Variants in SLC39A12 observed in about 807,000 individuals in gnomAD.
SLC39A12 encodes zinc transporter ZIP12.
Under a neutral mutation model 71.1 loss-of-function variants are expected in SLC39A12, and 63 were observed. That is an observed-to-expected ratio of 0.89 (90% CI 0.72 to 1.09). The LOEUF (loss-of-function observed/expected upper bound fraction) is 1.09, where lower values mean the gene tolerates loss of function less well. Ranked by LOEUF, SLC39A12 falls within the 50% of genes least tolerant of loss-of-function variation. SLC39A12 has a pLI of 0.00. For synonymous variants in SLC39A12, 351 were observed against 301.3 expected, an observed-to-expected ratio of 1.16 and a Z score of -1.71; for missense variants, 892 against 812.6, an observed-to-expected ratio of 1.10 and a Z score of -1.19.
At chr10:18,036,669 C>G (rs1355894563) in intron 12 of SLC39A12, among the ~76,000 whole-genome samples, 1 of 150,374 alleles carries the variant, frequency 6.7e-6, no homozygotes, top group Non-Finnish European at 1.5e-5. Flanking sequence ...ATCTTGGCTC[C>G]TCCCCCGTGA....
At chr10:17,954,142 A>T (rs1834479533) in intron 2 of SLC39A12, among the ~76,000 whole-genome samples, 1 of 152,164 alleles carries the variant, frequency 6.6e-6, no homozygotes, top group Non-Finnish European at 1.5e-5. Context: ...CCCTGATTGG[A>T]ATCAGCTGCA....
At chr10:17,979,943 C>A (rs142915177) in intron 5 of SLC39A12, among the ~76,000 whole-genome samples, 1 of 151,712 alleles carries the variant, frequency 6.6e-6, no homozygotes, top group Non-Finnish European at 1.5e-5. Context: ...TGTGAGTTTA[C>A]GAGAGAAGGC....
intron 4 of SLC39A12, among the ~76,000 whole-genome samples, chr10:17,976,647 A>G (rs779559671): frequency 9.9e-5 from 15 of 151,802 alleles, no homozygotes; most frequent in Non-Finnish European, 5.9e-5. Flanking sequence ...CTGGTCTTGA[A>G]CTCCTGACCT....
At chr10:18,035,866 A>C (rs566912761) in intron 12 of SLC39A12, among the ~76,000 whole-genome samples, 58 of 152,282 alleles carry the variant, frequency 3.8e-4, no homozygotes, top group Non-Finnish European at 6.2e-4. Flanking sequence ...TCCGTCTAAC[A>C]GACAGGACCC....
chr10:17,984,185 A>G (rs1835344782), intron 6 of SLC39A12, among the ~76,000 whole-genome samples: 1 of 152,244 alleles, frequency 6.6e-6, no homozygotes, highest in South Asian at 2.1e-4. Flanking sequence ...AGGGACCTGC[A>G]GTAAATTAGC....
intron 12 of SLC39A12, among the ~76,000 whole-genome samples, chr10:18,012,728 G>T (rs151288949): frequency 3.6e-4 from 54 of 152,100 alleles, no homozygotes; most frequent in African/African-American, 1.2e-3. Context: ...TTAGCCCGGC[G>T]TGGTGGCGCA....
intron 12 of SLC39A12, among the ~76,000 whole-genome samples, chr10:18,042,463 GAAAAAAAA>G (rs551298382): frequency 3.5e-5 from 4 of 115,058 alleles, no homozygotes; most frequent in African/African-American, 9.8e-5. Context: ...TGCCTCAAAA[GAAAAAAAA>G]AAAAAAAAAA....
chr10:17,979,388 C>A (rs1051017441), intron 5 of SLC39A12, among the ~76,000 whole-genome samples: 2 of 152,198 alleles, frequency 1.3e-5, no homozygotes, highest in African/African-American at 4.8e-5. Context: ...TATTCGACTT[C>A]TTGACAACAA....
At chr10:18,003,750 T>C (rs1343606894) in intron 12 of SLC39A12, among the ~76,000 whole-genome samples, 1 of 152,222 alleles carries the variant, frequency 6.6e-6, no homozygotes, top group Admixed American at 6.5e-5. Flanking sequence ...GTTCTGTCAA[T>C]CAGCCAGCTA....
intron 4 of SLC39A12, among the ~76,000 whole-genome samples, chr10:17,967,833 G>T (rs1355224899): frequency 6.7e-6 from 1 of 149,962 alleles, no homozygotes; most frequent in African/African-American, 2.4e-5. Flanking sequence ...CTGGCAGTGA[G>T]CTGAGTTCCC....
Position 17,953,380 on chromosome 10 carries a change from G to C in SLC39A12, c.104G>C (p.Arg35Thr), listed in dbSNP as rs143283545. The C allele has an allele frequency of 3.2e-4, 513 of 1,614,040 alleles. 4 individuals are homozygous for C. Among genetic ancestry groups the C allele is most frequent in the Non-Finnish European group, 6.4e-5 (76 of 1,180,036 alleles). Residue 35 changes from arginine (R) to threonine (T), a missense_variant, in exon 2 of 13, where the codon AGA becomes ACA. Physicochemically the swap from Arg to Thr is moderately conservative, Grantham distance 71. Coordinates refer to ENST00000377369, the MANE Select transcript of SLC39A12 (RefSeq NM_001145195.2). The part of the protein sequence containing the change: ...ETDKPSAQDS[R>T]SRGSSGQPAD... The stretch of plus-strand genomic sequence containing the variant: ...GACAAACCCTCAGCCCAGGATAGCA[G>C]AAGCCGTGGGAGTTCAGGCCAACCG...
chr10:17,955,595 C>T (rs1834520014), intron 2 of SLC39A12, among the ~76,000 whole-genome samples: 1 of 152,022 alleles, frequency 6.6e-6, no homozygotes, highest in Non-Finnish European at 1.5e-5. Context: ...CAAATTCTAT[C>T]GTAAAAAGAG....
intron 2 of SLC39A12, among the ~76,000 whole-genome samples, chr10:17,961,075 G>A (rs11011721): frequency 0.056 from 8,505 of 152,108 alleles, 322 homozygotes; most frequent in South Asian, 0.098. Context: ...GTTGTGAGAG[G>A]GTGACAATTT....
chr10:17,955,851 A>T (rs1313807377), intron 2 of SLC39A12, among the ~76,000 whole-genome samples: 1 of 152,196 alleles, frequency 6.6e-6, no homozygotes, highest in Non-Finnish European at 1.5e-5. Flanking sequence ...GAAGGGGTAG[A>T]ATATAGTTTT....
intron 3 of SLC39A12, among the ~76,000 whole-genome samples, chr10:17,964,922 T>C (rs571301186): frequency 2.6e-5 from 4 of 152,262 alleles, no homozygotes; most frequent in Non-Finnish European, 4.4e-5. Context: ...AAGAGGATAG[T>C]CAGGCTGGGT....
In SLC39A12 at chr10:17,978,053, T is replaced by A; in HGVS notation, c.903T>A (p.Asp301Glu). Reference protein sequence around the residue: ...FSSSMEKESEDGPVSWDQTCF... With the variant: ...FSSSMEKESEEGPVSWDQTCF... The stretch of plus-strand genomic sequence containing the variant: ...CATCCATGGAAAAAGAGTCTGAGGA[T>A]GGTCCAGTTTCCTGGGATCAGGTAT... Residue 301 changes from aspartate (D) to glutamate (E), a missense_variant, in exon 5 of 13, where the codon GAT (aspartate) becomes GAA (glutamate). Coordinates refer to ENST00000377369, the MANE Select transcript of SLC39A12 (RefSeq NM_001145195.2). The A allele has an allele frequency of 1.2e-6, 2 of 1,600,796 alleles. No individual in the cohort carries two copies. The highest frequency in any genetic ancestry group is 1.7e-6 in the Non-Finnish European group (2 of 1,175,528).
chr10:18,024,373 G>C (rs949402299), intron 12 of SLC39A12, among the ~76,000 whole-genome samples: 9 of 152,142 alleles, frequency 5.9e-5, no homozygotes, highest in Non-Finnish European at 1.2e-4. Flanking sequence ...GGGGAGGCCA[G>C]GGGGATCTCC....
chr10:17,973,124 A>C (rs1835016835), intron 4 of SLC39A12, among the ~76,000 whole-genome samples: 2 of 152,126 alleles, frequency 1.3e-5, no homozygotes, highest in South Asian at 2.1e-4. Flanking sequence ...ATTAATAAAA[A>C]CTTTGTGCCT....
intron 2 of SLC39A12, among the ~76,000 whole-genome samples, chr10:17,954,410 C>T (rs535719952): frequency 3.3e-5 from 5 of 152,224 alleles, no homozygotes; most frequent in East Asian, 1.9e-4. Context: ...CCCACCACCA[C>T]GGCCGGCTAA....
Sources: gnomAD v4.1 joint callset for allele counts (sites outside exome capture counted in the v4.1 genomes callset) on GRCh38, gnomAD v4.1.1 for gene constraint, MANE v1.5 for transcripts, NCBI Gene and HGNC (gene_info 2026-07-23, HGNC 2026-07-21) for gene names.